Variants in TUBGCP4 observed in about 807,000 individuals in gnomAD.
TUBGCP4 encodes the protein tubulin gamma complex component 4, also known as gamma-tubulin complex component 4.
In TUBGCP4, 54 loss-of-function variants were observed where a neutral mutation model predicts 91.6. That is an observed-to-expected ratio of 0.59 (90% CI 0.47 to 0.74). The LOEUF (loss-of-function observed/expected upper bound fraction) is 0.74. Among genes scored for constraint, TUBGCP4 ranks in the 30% least tolerant of loss-of-function variants. The pLI, the probability that TUBGCP4 is intolerant of heterozygous loss-of-function variation, is 0.00. For synonymous variants in TUBGCP4, 297 were observed against 302.8 expected (o/e 0.98, Z 0.20); for missense variants, 593 against 800.9 (o/e 0.74, Z 3.13).
Position 43,376,203 on chromosome 15 carries a change from T to C in TUBGCP4, c.184T>C (p.Tyr62His). 1 of 1,613,988 alleles carries C rather than the reference T, an allele frequency of 6.2e-7. No homozygotes were observed. The highest frequency in any genetic ancestry group is 8.5e-7 in the Non-Finnish European group (1 of 1,180,008). The change falls in exon 2 of 18, where the codon TAC (tyrosine) becomes CAC (histidine). Residue 62 changes from tyrosine (Y) to histidine (H), a missense_variant. By Grantham distance (83) the Tyr-to-His change is moderately conservative. Transcript: ENST00000564079. ...TCGCTTCACTGAGTTCATTGAACAG[T>C]ACACGGGCCATGTGCAACAGCAGGT... ...YIRFTEFIEQ[Y>H]TGHVQQQDHH... is the part of the protein sequence containing the mutation.
chr15:43,399,939 C>T (rs2044641745), intron 13 of TUBGCP4, 105 bp from the exon 14 acceptor site: 2 of 689,946 alleles, frequency 2.9e-6, no homozygotes, highest in Non-Finnish European at 4.7e-6. Flanking sequence ...TCCTTACTGC[C>T]TGTTTGTGAG....
chr15:43,373,148 C>T (rs1484714418), intron 1 of TUBGCP4, among the ~76,000 whole-genome samples: 2 of 152,188 alleles, frequency 1.3e-5, no homozygotes, highest in South Asian at 2.1e-4. Flanking sequence ...TAAACTCAAG[C>T]ATAATACTCT....
intron 1 of TUBGCP4, among the ~76,000 whole-genome samples, chr15:43,372,520 C>G (rs2044139458): frequency 6.8e-6 from 1 of 147,338 alleles, no homozygotes; most frequent in South Asian, 2.1e-4. Context: ...CTCCATAGAT[C>G]TTAGTACAAT....
At chr15:43,389,124 C>G (rs2142830669) in intron 9 of TUBGCP4, among the ~76,000 whole-genome samples, 1 of 152,294 alleles carries the variant, frequency 6.6e-6, no homozygotes, top group South Asian at 2.1e-4. Flanking sequence ...TAAAAATCTT[C>G]AAGCTGTGAA....
intron 5 of TUBGCP4, among the ~76,000 whole-genome samples, chr15:43,379,502 G>T (rs1350517175): frequency 6.6e-6 from 1 of 152,066 alleles, no homozygotes; most frequent in Non-Finnish European, 1.5e-5. Context: ...AATTAGCCAG[G>T]CGTGGTGGCG....
In TUBGCP4 at chr15:43,371,122, G is replaced by A. The variant is rs971568216; in HGVS notation, c.-233G>A. The A allele has an allele frequency of 3.4e-6, 2 of 593,336 alleles. No homozygotes were observed. The highest frequency in any genetic ancestry group is 1.9e-5 in the South Asian group (1 of 53,096). 36.8% of individuals were successfully genotyped at this position (593,336 alleles called of 1,614,324 possible). A position where few individuals can be genotyped will look rare whatever the true frequency, so the allele number is the denominator to read the frequency against. On this transcript the variant is annotated 5_prime_UTR_variant, in exon 1 of 18. Coordinates refer to ENST00000564079, the MANE Select transcript of TUBGCP4 (RefSeq NM_014444.5). The stretch of plus-strand genomic sequence containing the variant: ...ACTCAGTCTCCGCAGAGCCCGGGCG[G>A]GAGTAGCTGGTGGACCCCGTTGAGC...
In TUBGCP4 at chr15:43,409,320, T is replaced by A; in HGVS notation, c.*4106T>A. 1 of 590,862 alleles carries A rather than the reference T, an allele frequency of 1.7e-6. No homozygotes were observed. Among genetic ancestry groups the A allele is most frequent in the Non-Finnish European group, 3.0e-6 (1 of 333,482 alleles). The allele number at this position is 590,862 out of a possible 1,614,324, so 36.6% of individuals were successfully genotyped here. A position where few individuals can be genotyped will look rare whatever the true frequency, so the allele number is the denominator to read the frequency against. On this transcript the variant is annotated 3_prime_UTR_variant, in exon 18 of 18. Coordinates refer to ENST00000564079, the MANE Select transcript of TUBGCP4 (RefSeq NM_014444.5). ...TGCAGCATACTGAGGACCTAAATCC[T>A]CAACGGACAACCAAAACCTATGAAC...
intron 15 of TUBGCP4, chr15:43,402,859 C>G (rs554071574): frequency 6.6e-6 from 1 of 152,364 alleles, no homozygotes; most frequent in South Asian, 2.1e-4. Context: ...CCTCAGTGTG[C>G]TACAGCACAG....
chr15:43,386,697 C>G (rs1187034682), intron 9 of TUBGCP4, among the ~76,000 whole-genome samples: 1 of 132,610 alleles, frequency 7.5e-6, no homozygotes, highest in Non-Finnish European at 1.5e-5. Flanking sequence ...TGCACTCCAA[C>G]CTGGGCAACA....
At chr15:43,403,433 T>C in intron 15 of TUBGCP4, 1 of 353,440 alleles carries the variant, frequency 2.8e-6, no homozygotes, top group South Asian at 4.8e-5. Flanking sequence ...GAGTTAAATG[T>C]GGCTAGATTG....
At chr15:43,399,788 C>T (rs544032052) in intron 13 of TUBGCP4, among the ~76,000 whole-genome samples, 32 of 152,200 alleles carry the variant, frequency 2.1e-4, no homozygotes, top group Non-Finnish European at 4.1e-4. Flanking sequence ...ATCCAGTCCA[C>T]ACTGAAATTT....
At chr15:43,381,027 G>A (rs1029018231) in intron 6 of TUBGCP4, among the ~76,000 whole-genome samples, 5 of 151,838 alleles carry the variant, frequency 3.3e-5, no homozygotes, top group Admixed American at 6.6e-5. Context: ...GGCTGGTCTC[G>A]AACTCCTAGG....
intron 3 of TUBGCP4, 103 bp downstream of exon 3, chr15:43,376,728 A>G: frequency 6.7e-7 from 1 of 1,501,150 alleles, no homozygotes; most frequent in East Asian, 2.3e-5. Context: ...AAGAGTGAGC[A>G]GTTGCCTGCA....
At chr15:43,395,774 C>T in intron 11 of TUBGCP4, 86 bp downstream of exon 11, 1 of 1,092,058 alleles carries the variant, frequency 9.2e-7, no homozygotes, top group South Asian at 1.3e-5. Flanking sequence ...AAGGCCTGCT[C>T]CACATAAGAG....
Position 43,408,837 on chromosome 15 carries a change from T to C in TUBGCP4, c.*3623T>C, listed in dbSNP as rs1595516188. 7.2e-6 allele frequency: 11 copies of C among 1,537,076 alleles called. No individual in the cohort carries two copies. Among genetic ancestry groups the C allele is most frequent in the Non-Finnish European group, 9.0e-6 (10 of 1,112,010 alleles). ...CTTTACTCTCTCACCTAGATTCTCT[T>C]CCCTCCAAAGCTTGCTGTCCTCCTG... On this transcript the variant is annotated 3_prime_UTR_variant, in exon 18 of 18. Coordinates refer to ENST00000564079, the MANE Select transcript of TUBGCP4 (RefSeq NM_014444.5).
intron 5 of TUBGCP4, among the ~76,000 whole-genome samples, chr15:43,379,031 C>A (rs1213179500): frequency 1.3e-5 from 2 of 152,240 alleles, no homozygotes; most frequent in African/African-American, 4.8e-5. Context: ...TCAACTTCCG[C>A]TGGCTATAGG....
At chr15:43,374,339 C>G (rs182595780) in intron 1 of TUBGCP4, among the ~76,000 whole-genome samples, 2 of 152,042 alleles carry the variant, frequency 1.3e-5, no homozygotes, top group Non-Finnish European at 2.9e-5. Context: ...CCAGGCACAG[C>G]GGCTGACACT....
chr15:43,400,922 A>C (rs1267106521), intron 14 of TUBGCP4, among the ~76,000 whole-genome samples: 1 of 151,942 alleles, frequency 6.6e-6, no homozygotes, highest in Non-Finnish European at 1.5e-5. Flanking sequence ...CGTCTCCAAA[A>C]AAAAAAAACT....
chr15:43,395,471 G>C, intron 10 of TUBGCP4, 112 bp from the exon 11 acceptor site: 1 of 847,690 alleles, frequency 1.2e-6, no homozygotes. Flanking sequence ...ATCTTTTGTA[G>C]CTTGGGCTCA....
Sources: allele counts gnomAD v4.1 joint callset (sites outside exome capture counted in the v4.1 genomes callset), GRCh38; gene constraint gnomAD v4.1.1; transcripts MANE v1.5; gene names NCBI Gene and HGNC (gene_info 2026-07-23, HGNC 2026-07-21).